The following AAGAB variants were observed in gnomAD, a reference collection of about 807,000 sequenced individuals.
AAGAB encodes the protein alpha- and gamma-adaptin-binding protein p34.
Under a neutral mutation model 44.1 loss-of-function variants are expected in AAGAB, and 38 were observed. The observed-to-expected ratio is 0.86, with a 90% CI of 0.67 to 1.13. AAGAB has a LOEUF of 1.13. Among genes scored for constraint, AAGAB ranks in the 50% most tolerant of loss-of-function variants. AAGAB has a pLI of 0.00. For synonymous variants in AAGAB, 131 were observed against 131.8 expected (o/e 0.99, Z 0.04); for missense variants, 450 against 373.8 (o/e 1.20, Z -1.68).
intron 1 of AAGAB, among the ~76,000 whole-genome samples, chr15:67,243,673 A>G (rs1256934462): frequency 6.6e-6 from 1 of 152,254 alleles, no homozygotes; most frequent in East Asian, 1.9e-4. Context: ...ATCTACAGCA[A>G]AGAAACCTTA....
At chr15:67,243,819 T>G (rs1370050695) in intron 1 of AAGAB, among the ~76,000 whole-genome samples, 1 of 152,236 alleles carries the variant, frequency 6.6e-6, no homozygotes, top group Non-Finnish European at 1.5e-5. Flanking sequence ...AAAAATATCT[T>G]CCATTTATAT....
chr15:67,224,169 T>C (rs996017306), intron 5 of AAGAB, among the ~76,000 whole-genome samples: 3 of 152,234 alleles, frequency 2.0e-5, no homozygotes, highest in African/African-American at 7.2e-5. Flanking sequence ...TTTTGTTTAA[T>C]TTGTTCACTG....
intron 5 of AAGAB, among the ~76,000 whole-genome samples, chr15:67,216,715 T>A (rs1339164475): frequency 6.6e-6 from 1 of 151,182 alleles, no homozygotes; most frequent in African/African-American, 2.4e-5. Flanking sequence ...CTAAAAGGAA[T>A]GTTCAGAATC....
In AAGAB at chr15:67,251,236, C is replaced by CTGTG. The variant is rs55690815; in HGVS notation, c.73+3319_73+3322dup. ...AGTGCGTGTGTGTGTGTGTGTGTGT[C>CTGTG]TGTGTGTGTGTGTGTGTGTGTATTT... On this transcript the variant is annotated intron_variant, in intron 1 of 9. Transcript: ENST00000261880. 9.8e-3 allele frequency among the ~76,000 whole-genome samples: 1,440 copies of CTGTG among 147,436 alleles called. 11 individuals carry two copies. The highest frequency in any genetic ancestry group is 0.013 in the Admixed American group (190 of 14,828).
At chr15:67,238,765 G>A (rs1964528531) in intron 1 of AAGAB, among the ~76,000 whole-genome samples, 1 of 149,582 alleles carries the variant, frequency 6.7e-6, no homozygotes, top group Admixed American at 6.8e-5. Flanking sequence ...GCGTGATCTC[G>A]GCTGACTGCA....
chr15:67,242,396 G>A (rs1467721163), intron 1 of AAGAB, among the ~76,000 whole-genome samples: 1 of 81,126 alleles, frequency 1.2e-5, no homozygotes, highest in African/African-American at 3.6e-5. Flanking sequence ...GCAGTCCGCA[G>A]TCCGGCCTGG....
chr15:67,214,144 A>T (rs559718391), intron 5 of AAGAB, among the ~76,000 whole-genome samples: 52 of 152,364 alleles, frequency 3.4e-4, no homozygotes, highest in East Asian at 2.1e-3. Context: ...ACTGGATATG[A>T]CACAAACTTG....
chr15:67,222,230 A>ACG (rs372896757), intron 5 of AAGAB, among the ~76,000 whole-genome samples: 13,152 of 133,412 alleles, frequency 0.099, 823 homozygotes, highest in Middle Eastern at 0.24. Context: ...ATGCACGCGC[A>ACG]CGCGCGCGCG....
At chr15:67,248,622 C>T (rs1177804634) in intron 1 of AAGAB, among the ~76,000 whole-genome samples, 1 of 152,220 alleles carries the variant, frequency 6.6e-6, no homozygotes, top group African/African-American at 2.4e-5. Flanking sequence ...ACAATGTTCT[C>T]TTTAGTAAAT....
chr15:67,218,945 A>G (rs564643551), intron 5 of AAGAB, among the ~76,000 whole-genome samples: 3 of 152,178 alleles, frequency 2.0e-5, no homozygotes, highest in Non-Finnish European at 4.4e-5. Context: ...ATGACTGGAG[A>G]TATCTAAAAA....
In AAGAB at chr15:67,231,398, C is replaced by G. The variant is rs112861721; in HGVS notation, c.535+416G>C. Reference sequence around the variant, plus strand: ...TCTCTCTCTATACTTAAGCCTAACACAACAGCCATGTTTCTGATTTTATGC... The same window carrying G: ...TCTCTCTCTATACTTAAGCCTAACAGAACAGCCATGTTTCTGATTTTATGC... On this transcript the variant is annotated intron_variant, in intron 5 of 9. Transcript: ENST00000261880. Among the ~76,000 whole-genome samples, 863 of 152,338 alleles carry G rather than the reference C, an allele frequency of 5.7e-3. 6 individuals carry two copies. The highest frequency in any genetic ancestry group is 0.02 in the African/African-American group (815 of 41,572).
At chr15:67,224,241 G>A (rs1964148302) in intron 5 of AAGAB, among the ~76,000 whole-genome samples, 1 of 152,136 alleles carries the variant, frequency 6.6e-6, no homozygotes, top group South Asian at 2.1e-4. Flanking sequence ...AATATTTTTT[G>A]TATGAATGAA....
intron 1 of AAGAB, among the ~76,000 whole-genome samples, chr15:67,237,574 A>C (rs1438854772): frequency 6.6e-6 from 1 of 152,228 alleles, no homozygotes; most frequent in Non-Finnish European, 1.5e-5. Flanking sequence ...GAACAAATGA[A>C]TATAGACATG....
chr15:67,203,457 C>T, intron 9 of AAGAB, 91 bp downstream of exon 9: 2 of 1,086,190 alleles, frequency 1.8e-6, no homozygotes, highest in Non-Finnish European at 2.7e-6. Context: ...ACACTAAGAC[C>T]CTTCAGAAAT....
intron 4 of AAGAB, chr15:67,232,472 T>C (rs1964363007): frequency 7.3e-6 from 2 of 275,264 alleles, no homozygotes; most frequent in South Asian, 4.2e-5. Context: ...CTATCCAAAC[T>C]GGAAAGTTCA....
rs528890654 is a variant in AAGAB, at chr15:67,213,029, A to C, written c.536-3485T>G. On this transcript the variant is annotated intron_variant, in intron 5 of 9. Transcript: ENST00000261880. The stretch of plus-strand genomic sequence containing the variant: ...TGATGCCACAAAACTCTAGACTAGG[A>C]AAGAATAAATAAAATTCACCTCCTC... 5.3e-5 allele frequency among the ~76,000 whole-genome samples: 8 copies of C among 152,340 alleles called. No individual in the cohort carries two copies. The East Asian group carries it at 1.5e-3, about 29-fold the overall frequency.
rs527525799 is a variant in AAGAB, at chr15:67,254,597, C to T, written c.35G>A (p.Ser12Asn). Reference protein sequence around the residue: ...AAGVPCALVTSCSSVFSGDQL... With the variant: ...AAGVPCALVTNCSSVFSGDQL... Reference sequence around the variant, plus strand: ...GTCTCCTGAGAAGACGGAGGAGCAGCTGGTGACTAACGCACAGGGTACGCC... The same window carrying T: ...GTCTCCTGAGAAGACGGAGGAGCAGTTGGTGACTAACGCACAGGGTACGCC... Residue 12 changes from serine (S) to asparagine (N), a missense_variant, in exon 1 of 10, where the codon AGC (serine) becomes AAC (asparagine). By Grantham distance (46) the Ser-to-Asn change is conservative (BLOSUM62 1). Transcript: ENST00000261880. The T allele has an allele frequency of 8.1e-6, 13 of 1,609,512 alleles. No homozygotes were observed. The Admixed American group carries it at 1.5e-4, about 19-fold the overall frequency.
At chr15:67,216,582 G>T (rs1407242285) in intron 5 of AAGAB, among the ~76,000 whole-genome samples, 2 of 143,918 alleles carry the variant, frequency 1.4e-5, no homozygotes, top group Non-Finnish European at 1.5e-5. Flanking sequence ...TTAATAAACT[G>T]AACTAAACAT....
intron 6 of AAGAB, among the ~76,000 whole-genome samples, chr15:67,208,878 T>C (rs942469960): frequency 5.3e-5 from 8 of 152,232 alleles, no homozygotes; most frequent in African/African-American, 1.7e-4. Flanking sequence ...AGCGTTGATT[T>C]TGCTTTAGAC....
Sources: gnomAD v4.1 joint callset for allele counts (sites outside exome capture counted in the v4.1 genomes callset) on GRCh38, gnomAD v4.1.1 for gene constraint, MANE v1.5 for transcripts, NCBI Gene and HGNC (gene_info 2026-07-23, HGNC 2026-07-21) for gene names.